The following ZC3H15 variants were observed in gnomAD, a reference collection of about 807,000 sequenced individuals.
The protein encoded by ZC3H15 is zinc finger CCCH domain-containing protein 15.
Under a neutral mutation model 51.2 loss-of-function variants are expected in ZC3H15, and 15 were observed. The ratio of observed to expected loss-of-function variants is 0.29; its 90% CI spans 0.20 to 0.45. The LOEUF is 0.45. ZC3H15 is among the 20% of genes least tolerant of loss of function. The pLI, the probability that ZC3H15 is intolerant of heterozygous loss-of-function variation, is 1.00. For missense variants in ZC3H15, 381 were observed against 494.7 expected (o/e 0.77, Z 2.18); for synonymous variants, 144 against 162.8 (o/e 0.88, Z 0.88).
intron 3 of ZC3H15, chr2:186,500,528 G>C (rs1685363378): frequency 3.2e-6 from 2 of 628,216 alleles, no homozygotes; most frequent in African/African-American, 1.8e-5. Context: ...GGCAAAATTA[G>C]TAATTTAATA....
chr2:186,504,317 A>T, intron 6 of ZC3H15, 103 bp downstream of exon 6: 1 of 1,057,708 alleles, frequency 9.5e-7, no homozygotes. Context: ...AAGGAAAAAA[A>T]AAATATTGTG....
chr2:186,505,305 T>A, intron 6 of ZC3H15, 146 bp from the exon 7 acceptor site: 1 of 967,642 alleles, frequency 1.0e-6, no homozygotes, highest in Non-Finnish European at 1.4e-6. Flanking sequence ...CCACGTAAAG[T>A]AAAAAAATAC....
intron 1 of ZC3H15, among the ~76,000 whole-genome samples, chr2:186,489,243 G>A (rs1273059192): frequency 1.3e-5 from 2 of 152,198 alleles, no homozygotes; most frequent in African/African-American, 4.8e-5. Context: ...TACTACTGGA[G>A]AGGTACAACA....
rs545768137 is a variant in ZC3H15, at chr2:186,497,163, A to C, written c.177+1829A>C. On this transcript the variant is annotated intron_variant, in intron 2 of 9. Transcript: ENST00000337859. ...TTTCCACCATTTTTATCTCCTTTTC[A>C]TTAACTTCTGGAAACACATTTTTGT... 1.1e-4 allele frequency: 46 copies of C among 436,526 alleles called. No homozygotes were observed. The East Asian group carries it at 3.0e-3, about 29-fold the overall frequency. 27.0% of individuals were successfully genotyped at this position (436,526 alleles called of 1,614,324 possible). A position where few individuals can be genotyped will look rare whatever the true frequency, so the allele number is the denominator to read the frequency against.
At chr2:186,495,406 C>T (rs1007532862) in intron 2 of ZC3H15, 72 bp downstream of exon 2, 1 of 925,968 alleles carries the variant, frequency 1.1e-6, no homozygotes, top group Non-Finnish European at 1.5e-6. Context: ...GATAAAATGT[C>T]TGGTATTATT....
At chr2:186,501,223 T>G in intron 3 of ZC3H15, 50 bp from the exon 4 acceptor site, 4 of 1,508,550 alleles carry the variant, frequency 2.7e-6, no homozygotes, top group Non-Finnish European at 3.6e-6. Flanking sequence ...GAATCTATAC[T>G]TTACAGCCTG....
At chr2:186,503,516 A>G (rs1056548667) in intron 5 of ZC3H15, among the ~76,000 whole-genome samples, 1 of 152,120 alleles carries the variant, frequency 6.6e-6, no homozygotes, top group Non-Finnish European at 1.5e-5. Context: ...AGCTGGGGTT[A>G]CAGGCATGTG....
chr2:186,495,759 G>C (rs1685271184), intron 2 of ZC3H15, among the ~76,000 whole-genome samples: 1 of 152,218 alleles, frequency 6.6e-6, no homozygotes, highest in Admixed American at 6.5e-5. Flanking sequence ...AAATTTGCCA[G>C]ATCACTTTCC....
At chr2:186,503,542 A>G (rs1685421306) in intron 5 of ZC3H15, among the ~76,000 whole-genome samples, 1 of 151,998 alleles carries the variant, frequency 6.6e-6, no homozygotes, top group African/African-American at 2.4e-5. Context: ...ACGGCCAGCT[A>G]ATTTTTTGTA....
intron 9 of ZC3H15, chr2:186,507,379 C>G (rs1029397567): frequency 8.8e-6 from 4 of 456,400 alleles, no homozygotes; most frequent in South Asian, 1.5e-5. Flanking sequence ...ACAGTCCTCT[C>G]TCTCTTAATG....
intron 1 of ZC3H15, chr2:186,487,231 T>C (rs923848082): frequency 6.6e-6 from 1 of 152,220 alleles, no homozygotes; most frequent in Non-Finnish European, 1.5e-5. Context: ...CCTGTAGCCC[T>C]TTAATGGCCA....
chr2:186,505,805 T>C lies in ZC3H15; in HGVS notation c.930T>C (p.Asp310=). The stretch of plus-strand genomic sequence containing the variant: ...TCAATGATGATGATGAGGAAGCAGA[T>C]GATACCCGCTACACCCAGGGAACAG... ...ELVNDDDEEA[D]DTRYTQGTGG... The change falls in exon 8 of 10, where the codon GAT becomes GAC. Residue 310 remains aspartate, a synonymous_variant. Coordinates refer to ENST00000337859, the MANE Select transcript of ZC3H15 (RefSeq NM_018471.3). 1 of 1,614,098 alleles carries C rather than the reference T, an allele frequency of 6.2e-7. No individual in the cohort carries two copies. Among genetic ancestry groups the C allele is most frequent in the Non-Finnish European group, 8.5e-7 (1 of 1,179,996 alleles).
At chr2:186,507,455 G>C (rs1685486505) in intron 9 of ZC3H15, 1 of 456,552 alleles carries the variant, frequency 2.2e-6, no homozygotes, top group South Asian at 1.5e-5. Flanking sequence ...TGTATCTGTA[G>C]CTCAGAGGAA....
intron 1 of ZC3H15, chr2:186,487,200 A>C (rs189308779): frequency 6.6e-6 from 1 of 152,194 alleles, no homozygotes; most frequent in Non-Finnish European, 1.5e-5. Flanking sequence ...GTGTGTATAT[A>C]TATTCGTTTA....
At position 186,508,701 on chromosome 2, in the gene ZC3H15, G is replaced by T; in HGVS notation, c.1249G>T (p.Glu417Ter). 1.9e-6 allele frequency: 3 copies of T among 1,613,996 alleles called. No homozygotes were observed. The highest frequency in any genetic ancestry group is 2.5e-6 in the Non-Finnish European group (3 of 1,179,934). ...TGGAGAGGATTTGGATGAACTAGAA[G>T]AAGAATTAAATACACTTGATTTAGA... Reference protein sequence around the residue: ...FTGEDLDELEEELNTLDLEE With the variant: ...FTGEDLDELE The change falls in exon 10 of 10, where the codon GAA becomes TAA. Residue 417 changes from glutamate to a stop codon, truncating the protein, a stop_gained. Coordinates refer to ENST00000337859, the MANE Select transcript of ZC3H15 (RefSeq NM_018471.3). LOFTEE classifies it high-confidence loss of function.
chr2:186,493,220 A>G lies in ZC3H15; in HGVS notation c.76-2013A>G, dbSNP rs369779592. Among the ~76,000 whole-genome samples, 23 of 152,212 alleles carry G rather than the reference A, an allele frequency of 1.5e-4. 1 individual carries two copies. In the East Asian group the frequency reaches 4.2e-3, roughly 28 times the overall value. On this transcript the variant is annotated intron_variant, in intron 1 of 9. Transcript: ENST00000337859. ...GTGTTAGGAGTAATTAATAATTCTT[A>G]TCTACTACAGCTCAGCCAGGTGACT... is the stretch of plus-strand genomic sequence containing the variant.
At chr2:186,508,044 A>G (rs774063015) in intron 9 of ZC3H15, among the ~76,000 whole-genome samples, 2 of 152,150 alleles carry the variant, frequency 1.3e-5, no homozygotes, top group African/African-American at 2.4e-5. Flanking sequence ...AAGTAGCTGT[A>G]TAGCACTATG....
intron 2 of ZC3H15, chr2:186,499,577 G>A (rs1685342688): frequency 2.2e-6 from 1 of 455,926 alleles, no homozygotes; most frequent in African/African-American, 2.0e-5. Flanking sequence ...CTTTAAATAA[G>A]CATCTTTGTC....
chr2:186,503,656 T>A (rs1317304513), intron 5 of ZC3H15, among the ~76,000 whole-genome samples: 1 of 152,148 alleles, frequency 6.6e-6, no homozygotes, highest in Non-Finnish European at 1.5e-5. Flanking sequence ...GCTGGGATTA[T>A]AGGTGTAAGC....
Sources: allele counts gnomAD v4.1 joint callset (sites outside exome capture counted in the v4.1 genomes callset), GRCh38; gene constraint gnomAD v4.1.1; transcripts MANE v1.5; gene names NCBI Gene and HGNC (gene_info 2026-07-23, HGNC 2026-07-21).